RILPL1: variants seen among roughly 807,000 people sequenced by gnomAD.
RILPL1 encodes RILP-like protein 1.
A neutral mutation model predicts 50.3 loss-of-function variants in RILPL1; 33 were observed. That is an observed-to-expected ratio of 0.66 (90% CI 0.50 to 0.88). RILPL1 has a LOEUF of 0.88. RILPL1 is among the 40% of genes least tolerant of loss of function. RILPL1 has a pLI of 0.00. For synonymous variants in RILPL1, 205 were observed against 228.6 expected (o/e 0.90, Z 0.93); for missense variants, 418 against 542.5 (o/e 0.77, Z 2.28).
intron 1 of RILPL1, among the ~76,000 whole-genome samples, chr12:123,528,514 G>A (rs575996167): frequency 7.1e-4 from 106 of 149,938 alleles, no homozygotes; most frequent in African/African-American, 2.5e-3. Flanking sequence ...TGCAAGCTCC[G>A]CCTCCCGGGT....
intron 2 of RILPL1, among the ~76,000 whole-genome samples, chr12:123,506,602 G>A (rs904612857): frequency 1.3e-5 from 2 of 152,176 alleles, no homozygotes; most frequent in African/African-American, 4.8e-5. Flanking sequence ...GCACTGGGAG[G>A]CCCCGGAGAG....
At chr12:123,479,236 C>T (rs1193731051) in intron 6 of RILPL1, among the ~76,000 whole-genome samples, 1 of 152,114 alleles carries the variant, frequency 6.6e-6, no homozygotes, top group Non-Finnish European at 1.5e-5. Flanking sequence ...GGATAATTAT[C>T]CCAGCTCTGG....
rs989505435 is a variant in RILPL1 at position 123,475,578 on chromosome 12, G to T, written c.1068-2896C>A. On this transcript the variant is annotated intron_variant, in intron 6 of 6. Coordinates refer to ENST00000376874, the MANE Select transcript of RILPL1 (RefSeq NM_178314.5). ...GGCCATGCAGCTTAAGTGGCCAGGG[G>T]GAGACAGGTCAGCCCCAGCAGTAGC... The T allele has an allele frequency of 1.8e-5, 15 of 849,138 alleles. No individual in the cohort carries two copies. The African/African-American group carries it at 2.3e-4, about 13-fold the overall frequency. 52.6% of individuals were successfully genotyped at this position (849,138 alleles called of 1,614,324 possible).
chr12:123,532,604 T>A (rs1885471771), intron 1 of RILPL1, among the ~76,000 whole-genome samples: 1 of 149,870 alleles, frequency 6.7e-6, no homozygotes, highest in Admixed American at 6.8e-5. Context: ...GTTCATAAGC[T>A]AGGGGAGTCC....
At chr12:123,502,400 G>A (rs1883453984) in intron 2 of RILPL1, among the ~76,000 whole-genome samples, 1 of 152,200 alleles carries the variant, frequency 6.6e-6, no homozygotes, top group Non-Finnish European at 1.5e-5. Flanking sequence ...TTTGTTATCG[G>A]GCATGCAAGC....
chr12:123,510,467 G>A (rs1283000813), intron 2 of RILPL1, among the ~76,000 whole-genome samples: 1 of 140,580 alleles, frequency 7.1e-6, no homozygotes, highest in Non-Finnish European at 1.5e-5. Flanking sequence ...TGTGGGGTCT[G>A]TGTGTGTGGG....
intron 2 of RILPL1, among the ~76,000 whole-genome samples, chr12:123,510,730 GTC>G (rs1884066573): frequency 8.2e-6 from 1 of 121,808 alleles, no homozygotes; most frequent in African/African-American, 2.9e-5. Context: ...TGAGGTCTGT[GTC>G]TGGTGTGTGT....
At chr12:123,512,741 GTT>G (rs1420009118) in intron 2 of RILPL1, among the ~76,000 whole-genome samples, 1 of 131,744 alleles carries the variant, frequency 7.6e-6, no homozygotes, top group East Asian at 2.5e-4. Flanking sequence ...GGTGTGTGAA[GTT>G]TGTGTGTGTG....
intron 4 of RILPL1, among the ~76,000 whole-genome samples, chr12:123,497,910 G>A (rs1337932322): frequency 6.6e-6 from 1 of 152,158 alleles, no homozygotes; most frequent in Non-Finnish European, 1.5e-5. Flanking sequence ...GCCTAGGAGT[G>A]GAATTGCTGG....
Position 123,516,430 on chromosome 12 carries a change from G to C in RILPL1, c.460+7065C>G, listed in dbSNP as rs150248318. Reference sequence around the variant, plus strand: ...AGGCCACCCTGCCGGACTCTGCTGAGACCACGGCCCTCTGCCGGACCCTGC... The same window carrying C: ...AGGCCACCCTGCCGGACTCTGCTGACACCACGGCCCTCTGCCGGACCCTGC... On this transcript the variant is annotated intron_variant, in intron 2 of 6. Transcript: ENST00000376874. 6.5e-3 allele frequency among the ~76,000 whole-genome samples: 986 copies of C among 152,324 alleles called. 5 individuals are homozygous for C. The highest frequency in any genetic ancestry group is 0.011 in the Non-Finnish European group (721 of 68,030).
chr12:123,500,921 A>G (rs1185481325), intron 2 of RILPL1, among the ~76,000 whole-genome samples: 4 of 151,186 alleles, frequency 2.6e-5, no homozygotes, highest in Admixed American at 6.6e-5. Flanking sequence ...CCTGGCCGAC[A>G]TGGTGAAACC....
intron 2 of RILPL1, among the ~76,000 whole-genome samples, chr12:123,509,131 C>T (rs924429735): frequency 1.4e-5 from 2 of 143,768 alleles, no homozygotes; most frequent in Non-Finnish European, 3.0e-5. Flanking sequence ...AGTGAGACTC[C>T]GTCTCAAAAC....
At chr12:123,495,821 C>G (rs1593555671) in intron 4 of RILPL1, among the ~76,000 whole-genome samples, 1 of 151,138 alleles carries the variant, frequency 6.6e-6, no homozygotes, top group South Asian at 2.1e-4. Context: ...GCTGGGACTA[C>G]AGGCGCACAC....
chr12:123,479,571 C>T (rs1195956023), intron 6 of RILPL1, among the ~76,000 whole-genome samples: 1 of 152,130 alleles, frequency 6.6e-6, no homozygotes, highest in Non-Finnish European at 1.5e-5. Flanking sequence ...TCTGGGCTCA[C>T]AGGCTGCTCT....
At chr12:123,492,024 A>T (rs867610376) in intron 4 of RILPL1, among the ~76,000 whole-genome samples, 5 of 151,814 alleles carry the variant, frequency 3.3e-5, no homozygotes, top group African/African-American at 4.8e-5. Context: ...ATAAATAAAT[A>T]AAATAAAATA....
intron 1 of RILPL1, among the ~76,000 whole-genome samples, chr12:123,532,134 CAG>C (rs1411464986): frequency 2.6e-5 from 4 of 152,210 alleles, no homozygotes; most frequent in Admixed American, 2.6e-4. Flanking sequence ...CCCTGAGGTT[CAG>C]AGAGGCCATC....
At chr12:123,503,304 G>T (rs555995817) in intron 2 of RILPL1, among the ~76,000 whole-genome samples, 1 of 146,132 alleles carries the variant, frequency 6.8e-6, no homozygotes, top group Non-Finnish European at 1.5e-5. Flanking sequence ...CGGTTCAAGC[G>T]ATTCTTCTGC....
chr12:123,477,252 C>T (rs1046432269), intron 6 of RILPL1, among the ~76,000 whole-genome samples: 11 of 151,372 alleles, frequency 7.3e-5, no homozygotes, highest in African/African-American at 2.4e-4. Flanking sequence ...TGAGGTTTGG[C>T]GATGTTCCAG....
intron 2 of RILPL1, among the ~76,000 whole-genome samples, chr12:123,506,436 G>A (rs1883756491): frequency 6.6e-6 from 1 of 152,222 alleles, no homozygotes; most frequent in Non-Finnish European, 1.5e-5. Context: ...TGCAAGGCAG[G>A]AGGGTCAGGC....
Sources: gnomAD v4.1 joint callset for allele counts (sites outside exome capture counted in the v4.1 genomes callset) on GRCh38, gnomAD v4.1.1 for gene constraint, MANE v1.5 for transcripts, NCBI Gene and HGNC (gene_info 2026-07-23, HGNC 2026-07-21) for gene names.